GALNT14: variants seen among roughly 807,000 people sequenced by gnomAD.
GALNT14 encodes polypeptide N-acetylgalactosaminyltransferase 14, also known as UDP-GalNAc:polypeptide N-acetylgalactosaminyltransferase 14.
Under a neutral mutation model 77.5 loss-of-function variants are expected in GALNT14, and 60 were observed. The observed-to-expected ratio is 0.77, with a 90% CI of 0.63 to 0.96. The LOEUF (loss-of-function observed/expected upper bound fraction) is 0.96. GALNT14 is among the 40% of genes least tolerant of loss of function. GALNT14 has a pLI of 0.00. For synonymous variants in GALNT14, 280 were observed against 281.7 expected (o/e 0.99, Z 0.06); for missense variants, 710 against 731.0 (o/e 0.97, Z 0.33).
chr2:30,968,932 G>C (rs577744556), intron 2 of GALNT14, among the ~76,000 whole-genome samples: 1 of 152,170 alleles, frequency 6.6e-6, no homozygotes, highest in South Asian at 2.1e-4. Flanking sequence ...GGCATTGCTC[G>C]TAGGTAGTTG....
intron 1 of GALNT14, among the ~76,000 whole-genome samples, chr2:31,118,427 A>C (rs1678225281): frequency 6.6e-6 from 1 of 152,204 alleles, no homozygotes. Flanking sequence ...AACTAAATAG[A>C]GTTCATTCCA....
intron 1 of GALNT14, among the ~76,000 whole-genome samples, chr2:31,043,468 A>G (rs941362642): frequency 1.3e-5 from 2 of 152,232 alleles, no homozygotes; most frequent in African/African-American, 4.8e-5. Context: ...GAATGAGTGA[A>G]GAAGAAACAG....
At chr2:30,960,714 G>A (rs1293138719) in intron 3 of GALNT14, among the ~76,000 whole-genome samples, 1 of 151,972 alleles carries the variant, frequency 6.6e-6, no homozygotes, top group Non-Finnish European at 1.5e-5. Flanking sequence ...GTCCTCCAGG[G>A]CCCTCCCTCA....
At chr2:31,031,284 ACT>A (rs1672395314) in intron 1 of GALNT14, among the ~76,000 whole-genome samples, 1 of 151,898 alleles carries the variant, frequency 6.6e-6, no homozygotes, top group African/African-American at 2.4e-5. Context: ...AAAGTCCCAA[ACT>A]CTCTATCCTA....
At chr2:31,045,299 G>A (rs1673370398) in intron 1 of GALNT14, among the ~76,000 whole-genome samples, 1 of 152,146 alleles carries the variant, frequency 6.6e-6, no homozygotes, top group African/African-American at 2.4e-5. Flanking sequence ...GCTCAGATGT[G>A]CCAAATGAGG....
intron 2 of GALNT14, among the ~76,000 whole-genome samples, chr2:30,991,586 G>T (rs1669706029): frequency 1.3e-5 from 2 of 152,180 alleles, no homozygotes; most frequent in Non-Finnish European, 2.9e-5. Flanking sequence ...AGAGCCTCAT[G>T]GGTCCCTCGA....
chr2:31,048,736 A>T (rs911679756), intron 1 of GALNT14, among the ~76,000 whole-genome samples: 2 of 152,076 alleles, frequency 1.3e-5, no homozygotes, highest in African/African-American at 4.8e-5. Context: ...ATGATGTGCC[A>T]GGAGCTCTAT....
At chr2:31,029,183 C>T (rs914673020) in intron 1 of GALNT14, among the ~76,000 whole-genome samples, 5 of 152,144 alleles carry the variant, frequency 3.3e-5, no homozygotes, top group African/African-American at 4.8e-5. Context: ...GCAAGTCATT[C>T]GCGGGATCTA....
chr2:31,068,852 C>T (rs11674713), intron 1 of GALNT14, among the ~76,000 whole-genome samples: 92,952 of 152,128 alleles, frequency 0.61, 29,347 homozygotes, highest in African/African-American at 0.77. Context: ...TGCTACAGCA[C>T]AGATGAACCT....
chr2:30,890,918 C>A, the GALNT14 span, among the ~76,000 whole-genome samples: 18 of 152,204 alleles, frequency 1.2e-4, no homozygotes, highest in Non-Finnish European at 2.4e-4. Context: ...GGACATGAGG[C>A]CTGGCAAGGG....
intron 1 of GALNT14, among the ~76,000 whole-genome samples, chr2:31,045,948 C>T (rs1673426131): frequency 6.6e-6 from 1 of 152,154 alleles, no homozygotes; most frequent in Admixed American, 6.5e-5. Context: ...GTTACCACTG[C>T]TGCACAGGCC....
intron 6 of GALNT14, 21 bp downstream of exon 6, chr2:30,955,597 C>T (rs1384556067): frequency 1.2e-6 from 2 of 1,612,102 alleles, no homozygotes; most frequent in South Asian, 2.2e-5. Context: ...AGGCCCGGCC[C>T]TGCTCCTCAG....
At chr2:30,992,074 T>G (rs1197530805) in intron 2 of GALNT14, among the ~76,000 whole-genome samples, 1 of 152,044 alleles carries the variant, frequency 6.6e-6, no homozygotes, top group Non-Finnish European at 1.5e-5. Flanking sequence ...GGGCCCCCAG[T>G]TTGGAGGCCA....
At chr2:30,995,601 C>G (rs956905126) in intron 1 of GALNT14, among the ~76,000 whole-genome samples, 1 of 152,174 alleles carries the variant, frequency 6.6e-6, no homozygotes, top group African/African-American at 2.4e-5. Context: ...TCCAGCGATC[C>G]TCCTATCTCA....
chr2:31,132,555 C>T (rs1055669662), intron 1 of GALNT14: 1 of 365,742 alleles, frequency 2.7e-6, no homozygotes, highest in Non-Finnish European at 5.5e-6. Context: ...TACTTCTGGT[C>T]ATGCCAGAGT....
chr2:30,925,824 A>G (rs537085574), intron 11 of GALNT14, among the ~76,000 whole-genome samples: 1 of 152,312 alleles, frequency 6.6e-6, no homozygotes, highest in African/African-American at 2.4e-5. Flanking sequence ...AGAGCATTTC[A>G]GTGCTGGTCC....
intron 2 of GALNT14, among the ~76,000 whole-genome samples, chr2:30,986,769 C>T (rs1264926127): frequency 6.6e-6 from 1 of 152,164 alleles, no homozygotes; most frequent in Non-Finnish European, 1.5e-5. Context: ...TCACCTACCT[C>T]CCACCCCCAG....
At chr2:31,134,163 A>C (rs1417711403) in intron 1 of GALNT14, among the ~76,000 whole-genome samples, 1 of 152,216 alleles carries the variant, frequency 6.6e-6, no homozygotes, top group Non-Finnish European at 1.5e-5. Flanking sequence ...CTCCGAAGGC[A>C]ATCTGCTCCA....
At chr2:30,904,689 C>G in the GALNT14 span, among the ~76,000 whole-genome samples, 9 of 152,246 alleles carry the variant, frequency 5.9e-5, no homozygotes, top group Non-Finnish European at 8.8e-5. Flanking sequence ...CCAGGAAGCT[C>G]GAACTGGGCG....
Sources: allele counts gnomAD v4.1 joint callset (sites outside exome capture counted in the v4.1 genomes callset), GRCh38; gene constraint gnomAD v4.1.1; transcripts MANE v1.5; gene names NCBI Gene and HGNC (gene_info 2026-07-23, HGNC 2026-07-21).